The following EPB41L3 variants were observed in gnomAD, a reference collection of about 807,000 sequenced individuals.
EPB41L3 encodes the protein erythrocyte membrane protein band 4.1 like 3, also known as band 4.1-like protein 3.
A neutral mutation model predicts 127.1 loss-of-function variants in EPB41L3; 57 were observed. That is an observed-to-expected ratio of 0.45 (90% confidence interval 0.36 to 0.56). The LOEUF is 0.56. Among genes scored for constraint, EPB41L3 ranks in the 20% least tolerant of loss-of-function variants. The probability of loss-of-function intolerance (pLI) is 0.00; values close to 1 mark genes in which losing one functional copy is unlikely to be tolerated. For missense variants in EPB41L3, 1,273 were observed against 1,372.2 expected, an observed-to-expected ratio of 0.93 and a Z score of 1.14; for synonymous variants, 572 against 549.5, an observed-to-expected ratio of 1.04 and a Z score of -0.57.
intron 13 of EPB41L3, among the ~76,000 whole-genome samples, chr18:5,410,883 G>T (rs1019731280): frequency 1.3e-5 from 2 of 152,098 alleles, no homozygotes; most frequent in Admixed American, 6.5e-5. Context: ...TGACCTGTCT[G>T]GTTCTATGTC....
At chr18:5,412,347 A>G (rs1274150515) in intron 13 of EPB41L3, among the ~76,000 whole-genome samples, 2 of 151,884 alleles carry the variant, frequency 1.3e-5, no homozygotes, top group Non-Finnish European at 2.9e-5. Context: ...AGGACTCCCT[A>G]TAGTCCTAGC....
chr18:5,506,051 C>T (rs563218101), intron 1 of EPB41L3, among the ~76,000 whole-genome samples: 3 of 151,778 alleles, frequency 2.0e-5, no homozygotes, highest in Admixed American at 2.0e-4. Flanking sequence ...ACCTCTGCCC[C>T]AGCCTACCCC....
chr18:5,510,380 T>C (rs2148661694), intron 1 of EPB41L3, among the ~76,000 whole-genome samples: 1 of 152,098 alleles, frequency 6.6e-6, no homozygotes, highest in Non-Finnish European at 1.5e-5. Context: ...TGGGCTGGAG[T>C]ATGGTAGGTG....
intron 11 of EPB41L3, among the ~76,000 whole-genome samples, chr18:5,422,669 C>T (rs1430916287): frequency 2.0e-5 from 3 of 152,118 alleles, no homozygotes; most frequent in Admixed American, 6.5e-5. Context: ...AGTGTACCTC[C>T]ATATTACTTC....
chr18:5,622,158 A>T (rs1351503331), intron 1 of EPB41L3, among the ~76,000 whole-genome samples: 1 of 152,202 alleles, frequency 6.6e-6, no homozygotes, highest in East Asian at 1.9e-4. Context: ...AAATAAACAC[A>T]GTCAGGGCCA....
intron 3 of EPB41L3, among the ~76,000 whole-genome samples, chr18:5,587,903 A>G (rs1335841459): frequency 6.6e-6 from 1 of 152,220 alleles, no homozygotes; most frequent in Non-Finnish European, 1.5e-5. Flanking sequence ...TTAGGAATGT[A>G]AACCTTTTAG....
intron 1 of EPB41L3, among the ~76,000 whole-genome samples, chr18:5,501,748 C>T (rs932726346): frequency 1.3e-5 from 2 of 152,024 alleles, no homozygotes; most frequent in Non-Finnish European, 1.5e-5. Context: ...AAATGTGAGG[C>T]CAAGTGTTTA....
chr18:5,395,767 G>C, intron 19 of EPB41L3, 60 bp from the exon 20 acceptor site: 1 of 1,335,802 alleles, frequency 7.5e-7, no homozygotes, highest in Non-Finnish European at 1.1e-6. Context: ...TTCAGAAGTT[G>C]GCTACGTTAT....
chr18:5,499,102 A>G (rs1016067269), intron 1 of EPB41L3, among the ~76,000 whole-genome samples: 1 of 145,604 alleles, frequency 6.9e-6, no homozygotes, highest in Non-Finnish European at 1.5e-5. Flanking sequence ...GAAGCTAGTC[A>G]CTCGGAAGAC....
At chr18:5,436,607 A>G (rs1397812393) in intron 6 of EPB41L3, among the ~76,000 whole-genome samples, 1 of 151,764 alleles carries the variant, frequency 6.6e-6, no homozygotes, top group Non-Finnish European at 1.5e-5. Context: ...ACAGGGTTTC[A>G]CCGTGTTAGC....
At chr18:5,409,209 T>C (rs12604181) in intron 14 of EPB41L3, among the ~76,000 whole-genome samples, 111,439 of 152,142 alleles carry the variant, frequency 0.73, 46,594 homozygotes, top group Non-Finnish European at 0.92. Context: ...CAGCTCTTCA[T>C]TTTATTTTTA....
chr18:5,447,744 T>A (rs531672075), intron 3 of EPB41L3, among the ~76,000 whole-genome samples: 39 of 152,278 alleles, frequency 2.6e-4, no homozygotes, highest in African/African-American at 9.1e-4. Context: ...ACAAGAGGCA[T>A]GGGTTAGCTC....
upstream of EPB41L3, among the ~76,000 whole-genome samples, chr18:5,548,567 C>T (rs2093918523): frequency 6.6e-6 from 1 of 152,066 alleles, no homozygotes; most frequent in Non-Finnish European, 1.5e-5. Flanking sequence ...TAAAGGTGGA[C>T]CCATACATAG....
At chr18:5,479,714 T>C (rs1241303588) in intron 2 of EPB41L3, 1 of 151,502 alleles carries the variant, frequency 6.6e-6, no homozygotes, top group South Asian at 2.1e-4. Context: ...AAAAACTGAA[T>C]AGCCAATTCT....
chr18:5,548,738 G>GTTC (rs10647408), upstream of EPB41L3, among the ~76,000 whole-genome samples: 35,990 of 151,806 alleles, frequency 0.24, 5,852 homozygotes, highest in African/African-American at 0.47. Flanking sequence ...CAATGATTCT[G>GTTC]TTCTTAAGTA....
chr18:5,603,166 CT>C (rs1210473009), intron 3 of EPB41L3, among the ~76,000 whole-genome samples: 1 of 152,050 alleles, frequency 6.6e-6, no homozygotes, highest in Non-Finnish European at 1.5e-5. Context: ...CTGTTATCAT[CT>C]GAGCAATAAT....
chr18:5,628,470 G>T (rs372246089), intron 1 of EPB41L3, among the ~76,000 whole-genome samples: 2 of 152,218 alleles, frequency 1.3e-5, no homozygotes, highest in Non-Finnish European at 2.9e-5. Flanking sequence ...GGTTGGGTCC[G>T]CCTGGCCTCG....
At chr18:5,485,268 G>A (rs1014366454) in intron 2 of EPB41L3, among the ~76,000 whole-genome samples, 8 of 151,878 alleles carry the variant, frequency 5.3e-5, no homozygotes, top group Non-Finnish European at 7.4e-5. Flanking sequence ...TTCAATAGAT[G>A]TCAAAAAAGC....
chr18:5,417,234 G>T (rs2076935650), intron 12 of EPB41L3, among the ~76,000 whole-genome samples: 1 of 152,090 alleles, frequency 6.6e-6, no homozygotes, highest in African/African-American at 2.4e-5. Flanking sequence ...GCAGATAAAG[G>T]GCATATTTAG....
Sources: gnomAD v4.1 joint callset for allele counts (sites outside exome capture counted in the v4.1 genomes callset) on GRCh38, gnomAD v4.1.1 for gene constraint, MANE v1.5 for transcripts, NCBI Gene and HGNC (gene_info 2026-07-23, HGNC 2026-07-21) for gene names.